CDH18: variants seen among roughly 807,000 people sequenced by gnomAD.
CDH18 encodes cadherin-18.
Under a neutral mutation model 67.9 loss-of-function variants are expected in CDH18, and 31 were observed. The observed-to-expected ratio is 0.46, with a 90% CI of 0.34 to 0.62. CDH18 has a LOEUF of 0.62. CDH18 is among the 20% of genes least tolerant of loss of function. CDH18 has a pLI of 0.01. For missense variants in CDH18, 890 were observed against 975.5 expected, an observed-to-expected ratio of 0.91 and a Z score of 1.17; for synonymous variants, 362 against 347.2, an observed-to-expected ratio of 1.04 and a Z score of -0.48.
chr5:19,668,100 TA>T (rs1758216965), intron 5 of CDH18, among the ~76,000 whole-genome samples: 1 of 152,084 alleles, frequency 6.6e-6, no homozygotes, highest in Admixed American at 6.6e-5. Context: ...TTTTTCACTG[TA>T]AAATAAAAAT....
At chr5:20,341,647 T>C (rs1044373256) in intron 1 of CDH18, among the ~76,000 whole-genome samples, 1 of 152,036 alleles carries the variant, frequency 6.6e-6, no homozygotes, top group South Asian at 2.1e-4. Context: ...CATATTTTGG[T>C]ACCAGGAGTG....
At chr5:20,336,020 T>C (rs1198209169) in intron 1 of CDH18, among the ~76,000 whole-genome samples, 1 of 152,076 alleles carries the variant, frequency 6.6e-6, no homozygotes, top group Non-Finnish European at 1.5e-5. Context: ...TGAATAAAAT[T>C]ATGTACTATT....
intron 5 of CDH18, among the ~76,000 whole-genome samples, chr5:19,649,570 G>A (rs186417129): frequency 6.6e-6 from 1 of 152,066 alleles, no homozygotes; most frequent in East Asian, 1.9e-4. Context: ...ATCAAAACAA[G>A]TGGTTTTCCC....
At chr5:20,406,710 A>G (rs909805622) in intron 1 of CDH18, among the ~76,000 whole-genome samples, 2 of 152,200 alleles carry the variant, frequency 1.3e-5, no homozygotes, top group Non-Finnish European at 2.9e-5. Flanking sequence ...TTATCTTAAG[A>G]ATGATTAAAT....
intron 3 of CDH18, among the ~76,000 whole-genome samples, chr5:19,774,074 A>C (rs555204363): frequency 6.6e-6 from 1 of 152,136 alleles, no homozygotes; most frequent in Non-Finnish European, 1.5e-5. Flanking sequence ...GGTCTTTGAG[A>C]TTTACTCCAA....
chr5:19,617,684 G>T (rs969878389), intron 5 of CDH18, among the ~76,000 whole-genome samples: 7 of 152,182 alleles, frequency 4.6e-5, no homozygotes, highest in Admixed American at 4.6e-4. Flanking sequence ...GAATCAACAA[G>T]ATGTGATTAC....
At chr5:20,237,856 A>T (rs902887479) in intron 2 of CDH18, among the ~76,000 whole-genome samples, 1 of 151,994 alleles carries the variant, frequency 6.6e-6, no homozygotes, top group East Asian at 1.9e-4. Flanking sequence ...TCAAATCATA[A>T]TAACTATAAC....
intron 2 of CDH18, among the ~76,000 whole-genome samples, chr5:19,958,273 TA>T (rs1443648946): frequency 6.9e-6 from 1 of 144,406 alleles, no homozygotes; most frequent in Non-Finnish European, 1.5e-5. Flanking sequence ...CGATGCCCAA[TA>T]ACTAAACAAA....
At chr5:20,397,287 C>T (rs921227531) in intron 1 of CDH18, among the ~76,000 whole-genome samples, 4 of 151,840 alleles carry the variant, frequency 2.6e-5, no homozygotes, top group African/African-American at 7.3e-5. Flanking sequence ...CGCACCACCA[C>T]GCCCGGCTAA....
chr5:20,379,938 A>G (rs1743780042), intron 1 of CDH18, among the ~76,000 whole-genome samples: 1 of 152,066 alleles, frequency 6.6e-6, no homozygotes, highest in Non-Finnish European at 1.5e-5. Flanking sequence ...AAAAAAACCA[A>G]CATAATATGG....
At chr5:20,414,141 T>C (rs931567145) in intron 1 of CDH18, among the ~76,000 whole-genome samples, 3 of 152,220 alleles carry the variant, frequency 2.0e-5, no homozygotes, top group African/African-American at 7.2e-5. Flanking sequence ...TGGAAATTTC[T>C]TAATGAACTG....
In CDH18 at chr5:19,725,876, C is replaced by T. The variant is rs1278129202; in HGVS notation, c.524-4410G>A. Among the ~76,000 whole-genome samples the T allele has an allele frequency of 2.0e-5, 3 of 152,136 alleles. No homozygotes were observed. The East Asian group carries it at 5.8e-4, about 29-fold the overall frequency. On this transcript the variant is annotated intron_variant, in intron 4 of 12. Coordinates refer to ENST00000382275, the MANE Select transcript of CDH18 (RefSeq NM_004934.5). Reference sequence around the variant, plus strand: ...TCGGGAAAGGGAAAACTACAGAAAACAGTAGAATAAGGACCATTAAAAAAC... The same window carrying T: ...TCGGGAAAGGGAAAACTACAGAAAATAGTAGAATAAGGACCATTAAAAAAC...
intron 2 of CDH18, among the ~76,000 whole-genome samples, chr5:19,872,167 C>T (rs755694446): frequency 1.3e-5 from 2 of 152,062 alleles, no homozygotes; most frequent in African/African-American, 4.8e-5. Flanking sequence ...TGGTAAACAG[C>T]CTGCTGCTAA....
intron 1 of CDH18, among the ~76,000 whole-genome samples, chr5:20,547,555 T>C (rs1412788919): frequency 6.4e-5 from 8 of 125,160 alleles, no homozygotes; most frequent in Admixed American, 2.5e-4. Flanking sequence ...GGCAAGACTC[T>C]GTCAGAAAAA....
At chr5:20,305,596 C>G in intron 1 of CDH18, 1 of 556,982 alleles carries the variant, frequency 1.8e-6, no homozygotes, top group Non-Finnish European at 3.2e-6. Flanking sequence ...CTGCGGGCCT[C>G]AGAGGACTTG....
chr5:20,276,023 C>T (rs1745784431), intron 1 of CDH18, among the ~76,000 whole-genome samples: 2 of 152,184 alleles, frequency 1.3e-5, no homozygotes, highest in African/African-American at 4.8e-5. Context: ...CCCACCCCAG[C>T]AGACATAATG....
chr5:20,560,591 A>G (rs1758154611), intron 1 of CDH18, among the ~76,000 whole-genome samples: 1 of 151,978 alleles, frequency 6.6e-6, no homozygotes, highest in East Asian at 1.9e-4. Context: ...CTCAGCTGGT[A>G]TCAGCTGCTT....
chr5:19,903,541 G>GTATATATATATATATATA (rs112818883), intron 2 of CDH18, among the ~76,000 whole-genome samples: 1,790 of 124,534 alleles, frequency 0.014, 26 homozygotes, highest in Non-Finnish European at 0.021. Flanking sequence ...GTGTGTGTGT[G>GTATATATATATATATATA]TATATATATA....
chr5:20,431,718 C>T (rs369544188), intron 1 of CDH18, among the ~76,000 whole-genome samples: 7 of 152,154 alleles, frequency 4.6e-5, no homozygotes, highest in South Asian at 2.1e-4. Flanking sequence ...TATAAAAGTT[C>T]TCTGTTCATT....
Sources: gnomAD v4.1 joint callset for allele counts (sites outside exome capture counted in the v4.1 genomes callset) on GRCh38, gnomAD v4.1.1 for gene constraint, MANE v1.5 for transcripts, NCBI Gene and HGNC (gene_info 2026-07-23, HGNC 2026-07-21) for gene names.